PLAGL1: variants seen among roughly 807,000 people sequenced by gnomAD.
PLAGL1 encodes the protein zinc finger protein PLAGL1.
In PLAGL1, 1 loss-of-function variant was observed where a neutral mutation model predicts 4.6. The observed-to-expected ratio is 0.22, with a 90% CI of 0.08 to 1.03. PLAGL1 has a LOEUF of 1.03. Ranked by LOEUF, PLAGL1 falls within the 50% of genes least tolerant of loss-of-function variation. PLAGL1 has a pLI of 0.58. For missense variants in PLAGL1, 464 were observed against 570.4 expected, an observed-to-expected ratio of 0.81 and a Z score of 1.90; for synonymous variants, 240 against 237.8, an observed-to-expected ratio of 1.01 and a Z score of -0.08.
intron 1 of PLAGL1, chr6:144,037,604 A>G (rs1797342156): frequency 6.6e-6 from 1 of 152,168 alleles, no homozygotes; most frequent in African/African-American, 2.4e-5. Context: ...AAAAAAAACA[A>G]AAACAAAGCA....
At position 143,941,508 on chromosome 6, in the gene PLAGL1, C is replaced by T. The variant is rs1047885028; in HGVS notation, c.1308G>A (p.Gln436=). 2.6e-6 allele frequency: 4 copies of T among 1,532,568 alleles called. No homozygotes were observed. The African/African-American group carries it at 4.1e-5, about 16-fold the overall frequency. The allele number at this position is 1,532,568 out of a possible 1,614,324, so 94.9% of individuals were successfully genotyped here. A position where few individuals can be genotyped will look rare whatever the true frequency, so the allele number is the denominator to read the frequency against. ...PLAMGTVSLG[Q]LPLPPIPHVF... Reference sequence around the variant, plus strand: ...CATGAGGGATGGGGGGCAGGGGGAGCTGGCCCAGGCTCACAGTGCCCATGG... The same window carrying T: ...CATGAGGGATGGGGGGCAGGGGGAGTTGGCCCAGGCTCACAGTGCCCATGG... The change falls in exon 8 of 8, where the codon CAG becomes CAA. Residue 436 remains glutamine, a synonymous_variant. Coordinates refer to ENST00000674357, the MANE Select transcript of PLAGL1 (RefSeq NM_001317162.2). This position sits in a 1 kb window ranked among gnomAD's most constrained non-coding sequence, Gnocchi z 6.0.
At position 144,053,762 on chromosome 6, in the gene PLAGL1, G is replaced by A. The variant is rs996211468; in HGVS notation, c.-151+10706C>T. On this transcript the variant is annotated intron_variant, in intron 1 of 3. Transcript: ENST00000437412. The surrounding 1 kb of genome is among the most constrained non-coding windows in gnomAD (Gnocchi z 4.0). Reference sequence around the variant, plus strand: ...TATGTCAGGCCAGTTACTGATCACGGTATTCTTGCCCAGTGAACATAGTTA... The same window carrying A: ...TATGTCAGGCCAGTTACTGATCACGATATTCTTGCCCAGTGAACATAGTTA... Among the ~76,000 whole-genome samples the A allele has an allele frequency of 6.6e-6, 1 of 152,144 alleles. No individual in the cohort carries two copies. The highest frequency in any genetic ancestry group is 1.5e-5 in the Non-Finnish European group (1 of 68,026).
intron 1 of PLAGL1, among the ~76,000 whole-genome samples, chr6:144,047,749 T>A (rs1039004157): frequency 6.6e-6 from 1 of 152,144 alleles, no homozygotes; most frequent in African/African-American, 2.4e-5. Flanking sequence ...GAGATTTGGG[T>A]GGGAACACAA....
intron 1 of PLAGL1, among the ~76,000 whole-genome samples, chr6:144,019,082 A>G (rs987882380): frequency 5.9e-5 from 9 of 152,190 alleles, no homozygotes; most frequent in Admixed American, 2.6e-4. Context: ...AAAAACATCA[A>G]TGTTATAAAG....
intron 1 of PLAGL1, among the ~76,000 whole-genome samples, chr6:144,047,388 T>G (rs934967406): frequency 6.6e-6 from 1 of 152,160 alleles, no homozygotes; most frequent in Non-Finnish European, 1.5e-5. Context: ...CTCAACATTA[T>G]AAGGTAAGCT....
In PLAGL1 at chr6:143,948,061, G is replaced by A. The variant is rs1780194292; in HGVS notation, c.76C>T (p.His26Tyr). ...CACTTGTACGGCCGCTCCCTGGAGTGGGAATAATTGTGAATCGTGAACTTC... is the reference window on the plus strand; with the variant it reads ...CACTTGTACGGCCGCTCCCTGGAGTAGGAATAATTGTGAATCGTGAACTTC... ...LEKFTIHNYS[H>Y]SRERPYKCVQ... Residue 26 changes from histidine to tyrosine, a missense_variant, in exon 7 of 8, where the codon CAC becomes TAC. Around this residue, in one of 4 missense-constraint regions of PLAGL1, gnomAD observed 161 missense variants for 196.7 expected, o/e 0.82. Coordinates refer to ENST00000674357, the MANE Select transcript of PLAGL1 (RefSeq NM_001317162.2). This position sits in a 1 kb window ranked among gnomAD's most constrained non-coding sequence, Gnocchi z 6.0. The A allele has an allele frequency of 1.2e-6, 2 of 1,613,756 alleles. No homozygotes were observed. The highest frequency in any genetic ancestry group is 1.7e-6 in the Non-Finnish European group (2 of 1,179,648).
At position 143,995,225 on chromosome 6, in the gene PLAGL1, G is replaced by A. The variant is rs77313894; in HGVS notation, c.-583-10051C>T. 0.032 allele frequency among the ~76,000 whole-genome samples: 4,901 copies of A among 152,170 alleles called. 278 individuals carry two copies. The highest frequency in any genetic ancestry group is 0.11 in the African/African-American group (4,667 of 41,504). On this transcript the variant is annotated intron_variant, in intron 1 of 7. Transcript: ENST00000674357. This position sits in a 1 kb window ranked among gnomAD's most constrained non-coding sequence, Gnocchi z 4.4. ...ACAGAAAATATTCACAATAAAGCAA[G>A]GTCCCTTTCAATTTATCCTTAAAGT...
At position 144,015,886 on chromosome 6, in the gene PLAGL1, T is replaced by C. The variant is rs1795531704; in HGVS notation, c.-150-46908A>G. Among the ~76,000 whole-genome samples the C allele has an allele frequency of 6.6e-6, 1 of 152,180 alleles. No individual in the cohort carries two copies. The highest frequency in any genetic ancestry group is 1.5e-5 in the Non-Finnish European group (1 of 68,042). On this transcript the variant is annotated intron_variant, in intron 1 of 3. Coordinates refer to the PLAGL1 transcript ENST00000437412. The surrounding 1 kb of genome is among the most constrained non-coding windows in gnomAD (Gnocchi z 4.3). ...AGCAATCTCAGTCTTAGGTATTTTA[T>C]CCAAGAGAAATGATAACATGTCTGT...
chr6:144,001,175 A>G (rs1364398306), intron 1 of PLAGL1, among the ~76,000 whole-genome samples: 1 of 104,758 alleles, frequency 9.5e-6, no homozygotes, highest in East Asian at 3.1e-4. Flanking sequence ...AGGAAATGAT[A>G]AAAAAAAAAA....
intron 2 of PLAGL1, among the ~76,000 whole-genome samples, chr6:143,977,734 C>T (rs1434990284): frequency 1.3e-4 from 19 of 151,904 alleles, no homozygotes; most frequent in Admixed American, 1.2e-3. Flanking sequence ...TCCCAACTTT[C>T]AGTGATCCAC....
intron 1 of PLAGL1, among the ~76,000 whole-genome samples, chr6:144,047,370 G>A (rs34320388): frequency 0.11 from 17,468 of 152,114 alleles, 1,142 homozygotes; most frequent in South Asian, 0.15. Context: ...CTTAACTCAC[G>A]GCATCCTCTC....
upstream of PLAGL1, among the ~76,000 whole-genome samples, chr6:144,010,926 G>T (rs139023463): frequency 3.2e-3 from 489 of 152,144 alleles, 5 homozygotes; most frequent in African/African-American, 0.011. This position sits in a 1 kb window ranked among gnomAD's most constrained non-coding sequence, Gnocchi z 4.1. Flanking sequence ...AAACTGGACC[G>T]CTTCGTTACA....
rs1798496390 is a variant in PLAGL1 at position 144,050,436 on chromosome 6, T to C, written c.-151+14032A>G. Among the ~76,000 whole-genome samples the C allele has an allele frequency of 6.6e-6, 1 of 152,240 alleles. No homozygotes were observed. The highest frequency in any genetic ancestry group is 6.5e-5 in the Admixed American group (1 of 15,278). ...TCTCAGAGCATTTTTATCGCTCATA[T>C]GTTATTCTCTTTTCTTCTGTCTGAG... On this transcript the variant is annotated intron_variant, in intron 1 of 3. Transcript: ENST00000437412. This position sits in a 1 kb window ranked among gnomAD's most constrained non-coding sequence, Gnocchi z 4.3.
rs531468151 is a variant in PLAGL1 at position 143,948,212 on chromosome 6, G to A, written c.-76C>T. The stretch of plus-strand genomic sequence containing the variant: ...GCCATTTAAGCACAAACAGAACGAT[G>A]GTGCTGGGCACATCAGCAGAGTCCC... On this transcript the variant is annotated 5_prime_UTR_variant, in exon 7 of 8. Transcript: ENST00000674357. The surrounding 1 kb of genome is among the most constrained non-coding windows in gnomAD (Gnocchi z 6.0). The A allele has an allele frequency of 1.6e-4, 225 of 1,365,048 alleles. 2 individuals carry two copies. The South Asian group carries it at 2.7e-3, about 16-fold the overall frequency. The allele number at this position is 1,365,048 out of a possible 1,614,324, so 84.6% of individuals were successfully genotyped here.
intron 1 of PLAGL1, among the ~76,000 whole-genome samples, chr6:143,992,951 C>A (rs532969203): frequency 6.6e-6 from 1 of 151,772 alleles, no homozygotes; most frequent in South Asian, 2.1e-4. Context: ...GCACTCCAGC[C>A]TGGGTGACAG....
At chr6:143,977,089 C>CT (rs907136237) in intron 2 of PLAGL1, among the ~76,000 whole-genome samples, 2 of 147,776 alleles carry the variant, frequency 1.4e-5, no homozygotes, top group African/African-American at 2.5e-5. Context: ...CCCTTCCCCC[C>CT]CCCCAACACA....
At chr6:144,044,692 G>A (rs1451755694) in intron 1 of PLAGL1, among the ~76,000 whole-genome samples, 3 of 152,124 alleles carry the variant, frequency 2.0e-5, no homozygotes, top group African/African-American at 4.8e-5. Context: ...TATTAGGTCC[G>A]CTTGGTGCAG....
rs535781906 is a variant in PLAGL1 at position 143,945,192 on chromosome 6, G to A, written c.153-2529C>T. 1.4e-3 allele frequency among the ~76,000 whole-genome samples: 214 copies of A among 152,172 alleles called. No individual in the cohort carries two copies. Among genetic ancestry groups the A allele is most frequent in the African/African-American group, 4.7e-3 (194 of 41,524 alleles). On this transcript the variant is annotated intron_variant, in intron 7 of 7. Transcript: ENST00000674357. This position sits in a 1 kb window ranked among gnomAD's most constrained non-coding sequence, Gnocchi z 4.2. Reference sequence around the variant, plus strand: ...ATAGCTGAAATTACTTCAACGACTTGTTTCTTTCCCTCAGTTTTTCATCTT... The same window carrying A: ...ATAGCTGAAATTACTTCAACGACTTATTTCTTTCCCTCAGTTTTTCATCTT...
rs1795571517 is a variant in PLAGL1 at position 144,016,429 on chromosome 6, C to G, written c.-150-47451G>C. On this transcript the variant is annotated intron_variant, in intron 1 of 3. Coordinates refer to the PLAGL1 transcript ENST00000437412. This position sits in a 1 kb window ranked among gnomAD's most constrained non-coding sequence, Gnocchi z 4.2. ...CCAGACCACTGACTCAAATATTAATCTCTTTTGGTAACACTCTCACAGACA... is the reference window on the plus strand; with the variant it reads ...CCAGACCACTGACTCAAATATTAATGTCTTTTGGTAACACTCTCACAGACA... Among the ~76,000 whole-genome samples, 1 of 152,222 alleles carries G rather than the reference C, an allele frequency of 6.6e-6. No homozygotes were observed. The highest frequency in any genetic ancestry group is 1.5e-5 in the Non-Finnish European group (1 of 68,038).
Sources: gnomAD v4.1 joint callset for allele counts (sites outside exome capture counted in the v4.1 genomes callset) on GRCh38, gnomAD v4.1.1 for gene constraint, gnomAD v4.1.1 regional missense constraint, Gnocchi (gnomAD v3.1) non-coding constraint, MANE v1.5 for transcripts, NCBI Gene and HGNC (gene_info 2026-07-23, HGNC 2026-07-21) for gene names.